Variants in OLFM1 observed in about 807,000 individuals in gnomAD.
OLFM1 encodes the protein olfactomedin 1, also known as noelin.
In OLFM1, 9 loss-of-function variants were observed where a neutral mutation model predicts 49.7. That is an observed-to-expected ratio of 0.18 (90% CI 0.11 to 0.32). OLFM1 has a LOEUF of 0.32. Among genes scored for constraint, OLFM1 ranks in the 10% least tolerant of loss-of-function variants. The pLI, the probability that OLFM1 is intolerant of heterozygous loss-of-function variation, is 1.00. For missense variants in OLFM1, 369 were observed against 661.8 expected (o/e 0.56, Z 4.85); for synonymous variants, 240 against 271.8 (o/e 0.88, Z 1.15).
rs527267521 is a variant in OLFM1, at chr9:135,088,433, G to A, written c.150+294G>A. ...GGGGGAGCTTGGTGGGTTCTCGGAGGCTTGGAGTCCTGGGTCAGTAATCAT... is the reference window on the plus strand; with the variant it reads ...GGGGGAGCTTGGTGGGTTCTCGGAGACTTGGAGTCCTGGGTCAGTAATCAT... On this transcript the variant is annotated intron_variant, in intron 1 of 5. Transcript: ENST00000371793. The surrounding 1 kb of genome is among the most constrained non-coding windows in gnomAD (Gnocchi z 4.8). Among the ~76,000 whole-genome samples, 37 of 152,112 alleles carry A rather than the reference G, an allele frequency of 2.4e-4. No individual in the cohort carries two copies. In the East Asian group the frequency reaches 5.1e-3, roughly 21 times the overall value.
chr9:135,110,506 G>T (rs1259954053), intron 5 of OLFM1, among the ~76,000 whole-genome samples: 1 of 152,216 alleles, frequency 6.6e-6, no homozygotes, highest in Non-Finnish European at 1.5e-5. Flanking sequence ...ACAGCGTCAA[G>T]GCCATCTAGA....
At chr9:135,091,576 GTC>G (rs1491492735) in intron 2 of OLFM1, among the ~76,000 whole-genome samples, 1 of 70,562 alleles carries the variant, frequency 1.4e-5, no homozygotes, top group African/African-American at 7.4e-5. Flanking sequence ...CACACACACA[GTC>G]ACACACTCAC....
chr9:135,119,322 T>A (rs1831152761), intron 5 of OLFM1, among the ~76,000 whole-genome samples, 182 bp from the exon 6 acceptor site: 1 of 138,184 alleles, frequency 7.2e-6, no homozygotes, highest in Admixed American at 7.1e-5. Context: ...ACTCACTGGA[T>A]CTTTGGAAGT....
At chr9:135,108,631 T>G (rs533556782) in intron 5 of OLFM1, among the ~76,000 whole-genome samples, 1 of 147,658 alleles carries the variant, frequency 6.8e-6, no homozygotes, top group Non-Finnish European at 1.5e-5. Flanking sequence ...AGGCTCTGTC[T>G]CAAAAAAAAA....
At chr9:135,099,954 A>G (rs952046733) in intron 4 of OLFM1, among the ~76,000 whole-genome samples, 1 of 152,094 alleles carries the variant, frequency 6.6e-6, no homozygotes, top group African/African-American at 2.4e-5. Flanking sequence ...CTATATAACT[A>G]TTGCCCTTGG....
At chr9:135,087,522 G>T, upstream of OLFM1, 1 of 1,343,834 alleles carries the variant, frequency 7.4e-7, no homozygotes. Flanking sequence ...ACTGGAGTTT[G>T]CAGACCTCGC....
Position 135,099,646 on chromosome 9 carries a change from G to A in OLFM1, c.676+1141G>A, listed in dbSNP as rs114769812. Among the ~76,000 whole-genome samples, 1,011 of 152,258 alleles carry A rather than the reference G, an allele frequency of 6.6e-3. 8 individuals carry two copies. Among genetic ancestry groups the A allele is most frequent in the African/African-American group, 0.022 (930 of 41,538 alleles). On this transcript the variant is annotated intron_variant, in intron 4 of 5. Coordinates refer to ENST00000371793, the MANE Select transcript of OLFM1 (RefSeq NM_001282611.2). The stretch of plus-strand genomic sequence containing the variant: ...ACAAAGCTTTAAATTCCCCAGTCCC[G>A]AAACAGAGACAATAAGAAATGCTTG...
Position 135,075,632 on chromosome 9 carries a change from C to T in OLFM1, c.-75C>T, listed in dbSNP as rs537783090. On this transcript the variant is annotated 5_prime_UTR_variant, in exon 1 of 6. Coordinates refer to the OLFM1 transcript ENST00000252854. ...ACGAGCCAGGCGCCGCCGCCGGAGC[C>T]AGCGGAGCCGGGGCCAGAGCCGGAG... The T allele has an allele frequency of 5.6e-6, 6 of 1,069,282 alleles. No homozygotes were observed. In the African/African-American group the frequency reaches 8.4e-5, roughly 15 times the overall value. The allele number at this position is 1,069,282 out of a possible 1,614,324, so 66.2% of individuals were successfully genotyped here. A position where few individuals can be genotyped will look rare whatever the true frequency, so the allele number is the denominator to read the frequency against.
At chr9:135,102,921 CTA>C (rs1439946868) in intron 4 of OLFM1, among the ~76,000 whole-genome samples, 1 of 152,208 alleles carries the variant, frequency 6.6e-6, no homozygotes, top group Admixed American at 6.5e-5. Flanking sequence ...CGGGCCTGTT[CTA>C]TGAGATCGTC....
chr9:135,098,508 A>G lies in OLFM1; in HGVS notation c.676+3A>G. 1 of 1,611,578 alleles carries G rather than the reference A, an allele frequency of 6.2e-7. No homozygotes were observed. The highest frequency in any genetic ancestry group is 8.5e-7 in the Non-Finnish European group (1 of 1,178,320). On this transcript the variant is annotated splice_donor_region_variant and intron_variant, in intron 4 of 5. Transcript: ENST00000371793. The surrounding 1 kb of genome is among the most constrained non-coding windows in gnomAD (Gnocchi z 5.6). ...CCGTGCATGCATGCAAAAACTAGGTAGGCCCAGTACCCTGCGGGACGTGGC... is the reference window on the plus strand; with the variant it reads ...CCGTGCATGCATGCAAAAACTAGGTGGGCCCAGTACCCTGCGGGACGTGGC...
chr9:135,077,152 AC>A, intron 1 of OLFM1: 1 of 1,293,910 alleles, frequency 7.7e-7, no homozygotes, highest in Non-Finnish European at 1.0e-6. Context: ...ATTCATGTGC[AC>A]ACACACACAC....
chr9:135,108,265 T>G (rs891843226), intron 5 of OLFM1, among the ~76,000 whole-genome samples: 1 of 152,194 alleles, frequency 6.6e-6, no homozygotes, highest in Non-Finnish European at 1.5e-5. Flanking sequence ...TGTTCAGAGT[T>G]AGGAACTTGC....
chr9:135,094,225 A>T (rs1830754910), intron 2 of OLFM1, among the ~76,000 whole-genome samples: 1 of 152,206 alleles, frequency 6.6e-6, no homozygotes, highest in Non-Finnish European at 1.5e-5. Flanking sequence ...GGGGTTACAG[A>T]TGTGGATGAG....
Position 135,113,147 on chromosome 9 carries a change from G to A in OLFM1, c.783+6292G>A, listed in dbSNP as rs1192633179. ...CTGAGAGAGGCCTTCCTTCTCTCTG[G>A]GCCTCTCTGAAGTGGGGATTTGGGG... On this transcript the variant is annotated intron_variant, in intron 5 of 5. Coordinates refer to ENST00000371793, the MANE Select transcript of OLFM1 (RefSeq NM_001282611.2). The surrounding 1 kb of genome is among the most constrained non-coding windows in gnomAD (Gnocchi z 4.0). Among the ~76,000 whole-genome samples the A allele has an allele frequency of 1.3e-5, 2 of 152,106 alleles. No individual in the cohort carries two copies. Among genetic ancestry groups the A allele is most frequent in the Admixed American group, 6.5e-5 (1 of 15,282 alleles).
In OLFM1 at chr9:135,088,263, G is replaced by A; in HGVS notation, c.150+124G>A. The A allele has an allele frequency of 1.1e-6, 1 of 938,380 alleles. No individual in the cohort carries two copies. The highest frequency in any genetic ancestry group is 1.4e-6 in the Non-Finnish European group (1 of 731,944). 58.1% of individuals were successfully genotyped at this position (938,380 alleles called of 1,614,324 possible). A position where few individuals can be genotyped will look rare whatever the true frequency, so the allele number is the denominator to read the frequency against. ...CCCGAGTCGCCCAGGGAGGCGGCGG[G>A]GAGCAGGGCGGGCAAGGGCAGGCGT... On this transcript the variant is annotated intron_variant, in intron 1 of 5. Transcript: ENST00000371793. This position sits in a 1 kb window ranked among gnomAD's most constrained non-coding sequence, Gnocchi z 4.8.
At position 135,106,850 on chromosome 9, in the gene OLFM1, A is replaced by G; in HGVS notation, c.778A>G (p.Asn260Asp). The G allele has an allele frequency of 6.2e-7, 1 of 1,608,096 alleles. No individual in the cohort carries two copies. The highest frequency in any genetic ancestry group is 8.5e-7 in the Non-Finnish European group (1 of 1,177,440). The change falls in exon 5 of 6, where the codon AAC becomes GAC. Residue 260 changes from asparagine (N) to aspartate (D), a missense_variant. Physicochemically the swap from Asn to Asp is conservative, Grantham distance 23. This residue lies in a region of OLFM1 where 294 missense variants were observed against 567.5 expected (regional missense o/e 0.52). Transcript: ENST00000371793. ...AGACCCTCTCGCCCCTGAAGGCGAT[A>G]ACCGGGTGAGTGTCCCCTTATGTCA... is the stretch of plus-strand genomic sequence containing the variant. Reference protein sequence around the residue: ...MTDPLAPEGDNRVWYMDGYHN... With the variant: ...MTDPLAPEGDDRVWYMDGYHN...
In OLFM1 at chr9:135,108,436, C is replaced by G. The variant is rs367696333; in HGVS notation, c.783+1581C>G. 6.6e-5 allele frequency among the ~76,000 whole-genome samples: 10 copies of G among 152,112 alleles called. No homozygotes were observed. In the East Asian group the frequency reaches 1.2e-3, roughly 18 times the overall value. On this transcript the variant is annotated intron_variant, in intron 5 of 5. Coordinates refer to ENST00000371793, the MANE Select transcript of OLFM1 (RefSeq NM_001282611.2). The stretch of plus-strand genomic sequence containing the variant: ...ATCACCTGAAGTCAGGAGTTTGAGA[C>G]CATCCTGGCCAACAAGGTGAAACCC...
At chr9:135,097,958 C>A in intron 3 of OLFM1, 2 of 1,440,048 alleles carry the variant, frequency 1.4e-6, no homozygotes, top group Non-Finnish European at 1.8e-6. Flanking sequence ...CCTTTGCATG[C>A]GACTGTAGCT....
intron 5 of OLFM1, among the ~76,000 whole-genome samples, chr9:135,107,528 C>T (rs537056643): frequency 6.6e-6 from 1 of 152,158 alleles, no homozygotes; most frequent in Admixed American, 6.5e-5. Flanking sequence ...CCTCGCTCGG[C>T]CCCTGGGCCC....
Sources: gnomAD v4.1 joint callset for allele counts (sites outside exome capture counted in the v4.1 genomes callset) on GRCh38, gnomAD v4.1.1 for gene constraint, gnomAD v4.1.1 regional missense constraint, Gnocchi (gnomAD v3.1) non-coding constraint, MANE v1.5 for transcripts, NCBI Gene and HGNC (gene_info 2026-07-23, HGNC 2026-07-21) for gene names.